NOC4L: variants seen among roughly 807,000 people sequenced by gnomAD.
The protein encoded by NOC4L is nucleolar complex protein 4 homolog.
NOC4L carries 40 observed loss-of-function variants against 62.8 expected under a neutral mutation model. That is an observed-to-expected ratio of 0.64 (90% CI 0.49 to 0.83). The LOEUF (loss-of-function observed/expected upper bound fraction) is 0.83, where lower values mean the gene tolerates loss of function less well. Ranked by LOEUF, NOC4L falls within the 40% of genes least tolerant of loss-of-function variation. The pLI is 0.00. For missense variants in NOC4L, 927 were observed against 701.9 expected, an observed-to-expected ratio of 1.32 and a Z score of -3.62; for synonymous variants, 433 against 299.8, an observed-to-expected ratio of 1.44 and a Z score of -4.59.
chr12:132,145,842 T>C lies in NOC4L; in HGVS notation c.345+177T>C, dbSNP rs548960576. Reference sequence around the variant, plus strand: ...GAAACATGGCTATCGAGTCCTGTAGTGAATATTGAAGACGCAGAATCCGTG... The same window carrying C: ...GAAACATGGCTATCGAGTCCTGTAGCGAATATTGAAGACGCAGAATCCGTG... On this transcript the variant is annotated intron_variant, in intron 3 of 14. Transcript: ENST00000330579. Among the ~76,000 whole-genome samples the C allele has an allele frequency of 2.6e-5, 4 of 152,274 alleles. No homozygotes were observed. In the East Asian group the frequency reaches 5.8e-4, roughly 22 times the overall value.
chr12:132,151,473 G>A lies in NOC4L; in HGVS notation c.1074-11G>A. 1 of 1,600,438 alleles carries A rather than the reference G, an allele frequency of 6.2e-7. No homozygotes were observed. The highest frequency in any genetic ancestry group is 1.1e-5 in the South Asian group (1 of 90,956). On this transcript the variant is annotated splice_polypyrimidine_tract_variant and intron_variant, in intron 11 of 14. Transcript: ENST00000330579. ...GTCCGGGCCCTGTCTCACAACCACT[G>A]CCCTGCCCAGCCACCTCCCCGCCTA...
chr12:132,150,755 C>G lies in NOC4L; in HGVS notation c.902-226C>G, dbSNP rs1042502987. The G allele has an allele frequency of 3.4e-6, 2 of 592,038 alleles. 1 individual carries two copies. The highest frequency in any genetic ancestry group is 6.1e-6 in the Non-Finnish European group (2 of 328,470). 36.7% of individuals were successfully genotyped at this position (592,038 alleles called of 1,614,324 possible). On this transcript the variant is annotated intron_variant, in intron 9 of 14. Transcript: ENST00000330579. ...ATCCCCTCGGTGAGTGCCGCCGCCT[C>G]GCTCACACCCCCAACCCCCACCCCG...
rs1873044989 is a variant in NOC4L at position 132,152,352 on chromosome 12, T to C, written c.1502T>C (p.Leu501Pro). 6.4e-7 allele frequency: 1 copy of C among 1,572,608 alleles called. No homozygotes were observed. The highest frequency in any genetic ancestry group is 1.8e-5 in the Admixed American group (1 of 55,714). The change falls in exon 15 of 15, where the codon CTG (leucine) becomes CCG (proline). Residue 501 changes from leucine to proline, a missense_variant. Transcript: ENST00000330579. ...VPLEFIPAQG[L>P]LGRPGELCAQ... Reference sequence around the variant, plus strand: ...CTGGAGTTTATCCCAGCCCAGGGCCTGCTGGGACGGCCGGGTGAACTCTGT... The same window carrying C: ...CTGGAGTTTATCCCAGCCCAGGGCCCGCTGGGACGGCCGGGTGAACTCTGT...
Position 132,152,395 on chromosome 12 carries a change from C to T in NOC4L, c.1545C>T (p.Leu515=), listed in dbSNP as rs143524231. 4.1e-5 allele frequency: 65 copies of T among 1,576,742 alleles called. No individual in the cohort carries two copies. The African/African-American group carries it at 7.4e-4, about 18-fold the overall frequency. The change falls in exon 15 of 15, where the codon CTC becomes CTT. Residue 515 remains leucine (L), a synonymous_variant. Coordinates refer to ENST00000330579, the MANE Select transcript of NOC4L (RefSeq NM_024078.3). ...PGELCAQHFT[L]S ...AACTCTGTGCCCAGCACTTCACGCTCAGCTGACCCTGGCCCACCTGTGAAT... is the reference window on the plus strand; with the variant it reads ...AACTCTGTGCCCAGCACTTCACGCTTAGCTGACCCTGGCCCACCTGTGAAT...
chr12:132,144,641 C>T lies in NOC4L; in HGVS notation c.117+36C>T, dbSNP rs1255744220. On this transcript the variant is annotated intron_variant, in intron 1 of 14. Coordinates refer to ENST00000330579, the MANE Select transcript of NOC4L (RefSeq NM_024078.3). ...CGGCGTCGCAGGGCCGGAGTCGCGG[C>T]ACGGGAGCGGGACTTGAATGGGGGG... 5.4e-6 allele frequency: 8 copies of T among 1,471,402 alleles called. No individual in the cohort carries two copies. The South Asian group carries it at 1.1e-4, about 20-fold the overall frequency. The allele number at this position is 1,471,402 out of a possible 1,614,324, so 91.1% of individuals were successfully genotyped here.
chr12:132,152,229 G>T, intron 14 of NOC4L, 32 bp downstream of exon 14: 1 of 1,602,762 alleles, frequency 6.2e-7, no homozygotes, highest in Non-Finnish European at 8.5e-7. Context: ...CGAGGGTCTG[G>T]GCCACGGGGC....
intron 3 of NOC4L, chr12:132,146,338 T>C (rs1565958283): frequency 2.2e-6 from 1 of 456,112 alleles, no homozygotes; most frequent in Non-Finnish European, 4.4e-6. Context: ...GCGCGTCGTA[T>C]AGCACAGCAC....
At chr12:132,148,968 A>AT in intron 9 of NOC4L, 73 bp downstream of exon 9, 1 of 259,122 alleles carries the variant, frequency 3.9e-6, no homozygotes, top group Admixed American at 7.9e-5. Flanking sequence ...CTCCTACCAC[A>AT]CCCCTAATCC....
chr12:132,145,377 T>G (rs1359802950), intron 2 of NOC4L, among the ~76,000 whole-genome samples, 182 bp from the exon 3 acceptor site: 1 of 152,116 alleles, frequency 6.6e-6, no homozygotes, highest in African/African-American at 2.4e-5. Flanking sequence ...GCTCTTCCTG[T>G]TTGCAGGGCT....
In NOC4L at chr12:132,151,734, C is replaced by T; in HGVS notation, c.1235-4C>T. 1 of 1,612,436 alleles carries T rather than the reference C, an allele frequency of 6.2e-7. No individual in the cohort carries two copies. The highest frequency in any genetic ancestry group is 1.7e-5 in the Admixed American group (1 of 60,014). Reference sequence around the variant, plus strand: ...GCAGACAAGGGCCCACGTCTCATTCCTAGAGTTGGACGCCGACCCCTACGA... The same window carrying T: ...GCAGACAAGGGCCCACGTCTCATTCTTAGAGTTGGACGCCGACCCCTACGA... On this transcript the variant is annotated splice_region_variant and splice_polypyrimidine_tract_variant and intron_variant, in intron 12 of 14. Coordinates refer to ENST00000330579, the MANE Select transcript of NOC4L (RefSeq NM_024078.3).
chr12:132,148,130 G>C, intron 7 of NOC4L, 24 bp downstream of exon 7: 1 of 1,612,394 alleles, frequency 6.2e-7, no homozygotes, highest in Non-Finnish European at 8.5e-7. Context: ...GGAGAGCCGG[G>C]CACCCTCCCG....
In NOC4L at chr12:132,147,235, C is replaced by T. The variant is rs562504472; in HGVS notation, c.346-46C>T. 3.7e-5 allele frequency: 52 copies of T among 1,393,202 alleles called. 1 individual carries two copies. The highest frequency in any genetic ancestry group is 2.7e-4 in the Admixed American group (10 of 37,442). The allele number at this position is 1,393,202 out of a possible 1,614,324, so 86.3% of individuals were successfully genotyped here. A position where few individuals can be genotyped will look rare whatever the true frequency, so the allele number is the denominator to read the frequency against. On this transcript the variant is annotated intron_variant, in intron 3 of 14. Coordinates refer to ENST00000330579, the MANE Select transcript of NOC4L (RefSeq NM_024078.3). ...GACTGGGCTGAGCTCTGGGCCCATC[C>T]GTGGGGTGAGGGCATCACAGCCACC... is the stretch of plus-strand genomic sequence containing the variant.
chr12:132,152,393 C>T lies in NOC4L; in HGVS notation c.1543C>T (p.Leu515Phe). The T allele has an allele frequency of 1.9e-6, 3 of 1,577,252 alleles. No individual in the cohort carries two copies. The highest frequency in any genetic ancestry group is 1.2e-5 in the South Asian group (1 of 86,778). ...PGELCAQHFT[L>F]S is the part of the protein sequence containing the mutation. ...TGAACTCTGTGCCCAGCACTTCACG[C>T]TCAGCTGACCCTGGCCCACCTGTGA... The change falls in exon 15 of 15, where the codon CTC becomes TTC. Residue 515 changes from leucine to phenylalanine, a missense_variant. Leu to Phe is a conservative substitution (Grantham distance 22, BLOSUM62 0). Coordinates refer to ENST00000330579, the MANE Select transcript of NOC4L (RefSeq NM_024078.3).
chr12:132,148,575 G>A (rs1273050431), intron 7 of NOC4L, 34 bp from the exon 8 acceptor site: 3 of 1,548,902 alleles, frequency 1.9e-6, no homozygotes, highest in Non-Finnish European at 2.6e-6. Context: ...CTGGGGTGGG[G>A]AGGGCGGCGA....
Position 132,148,667 on chromosome 12 carries a change from C to T in NOC4L, c.789+8C>T, listed in dbSNP as rs1352493948. Reference sequence around the variant, plus strand: ...AGCTTCCTCAAGCACAAGGTAGGGGCCAGGCCGGGGAGGGGGCGGGGGCGG... The same window carrying T: ...AGCTTCCTCAAGCACAAGGTAGGGGTCAGGCCGGGGAGGGGGCGGGGGCGG... On this transcript the variant is annotated splice_region_variant and intron_variant, in intron 8 of 14. Coordinates refer to ENST00000330579, the MANE Select transcript of NOC4L (RefSeq NM_024078.3). 1.9e-6 allele frequency: 3 copies of T among 1,545,760 alleles called. No individual in the cohort carries two copies. The highest frequency in any genetic ancestry group is 2.8e-5 in the African/African-American group (2 of 72,672).
intron 9 of NOC4L, 61 bp from the exon 10 acceptor site, chr12:132,150,920 G>T (rs947400844): frequency 1.6e-6 from 2 of 1,249,722 alleles, no homozygotes; most frequent in East Asian, 2.3e-5. Context: ...ACTCAGTGTG[G>T]GCAGGGGGTA....
At position 132,145,614 on chromosome 12, in the gene NOC4L, C is replaced by T. The variant is rs1897685448; in HGVS notation, c.294C>T (p.Ser98=). Reference sequence around the variant, plus strand: ...TGTGGATGAGACACCGCTATCACAGCTGCTGCAATCGCTTGGGAGAGCTCC... The same window carrying T: ...TGTGGATGAGACACCGCTATCACAGTTGCTGCAATCGCTTGGGAGAGCTCC... ...YKVWMRHRYH[S]CCNRLGELLG... The change falls in exon 3 of 15, where the codon AGC becomes AGT. Residue 98 remains serine (S), a synonymous_variant. Coordinates refer to ENST00000330579, the MANE Select transcript of NOC4L (RefSeq NM_024078.3). 1.9e-6 allele frequency: 3 copies of T among 1,613,616 alleles called. No homozygotes were observed. Among genetic ancestry groups the T allele is most frequent in the Non-Finnish European group, 2.5e-6 (3 of 1,179,928 alleles).
chr12:132,147,431 GC>G, intron 4 of NOC4L, 43 bp downstream of exon 4: 1 of 1,534,274 alleles, frequency 6.5e-7, no homozygotes, highest in Non-Finnish European at 8.8e-7. Flanking sequence ...TGGCTGGCTG[GC>G]CAGATCCCAG....
At chr12:132,145,954 T>C (rs1897702024) in intron 3 of NOC4L, among the ~76,000 whole-genome samples, 1 of 152,224 alleles carries the variant, frequency 6.6e-6, no homozygotes, top group Non-Finnish European at 1.5e-5. Context: ...ATGTGTTTGC[T>C]CAGATCACAC....
Sources: allele counts gnomAD v4.1 joint callset (sites outside exome capture counted in the v4.1 genomes callset), GRCh38; gene constraint gnomAD v4.1.1; transcripts MANE v1.5; gene names NCBI Gene and HGNC (gene_info 2026-07-23, HGNC 2026-07-21).